The following ADRA1D variants were observed in gnomAD, a reference collection of about 807,000 sequenced individuals.
ADRA1D encodes adrenoceptor alpha 1D, also known as alpha-1D adrenergic receptor.
A neutral mutation model predicts 18.6 loss-of-function variants in ADRA1D; 22 were observed. That is an observed-to-expected ratio of 1.19 (90% CI 0.85 to 1.69). The LOEUF (loss-of-function observed/expected upper bound fraction) is 1.69. Among genes scored for constraint, ADRA1D ranks in the 40% most tolerant of loss-of-function variants. The probability of loss-of-function intolerance (pLI) is 0.00; values close to 1 mark genes in which losing one functional copy is unlikely to be tolerated. For synonymous variants in ADRA1D, 376 were observed against 388.2 expected, an observed-to-expected ratio of 0.97 and a Z score of 0.37; for missense variants, 840 against 840.7, an observed-to-expected ratio of 1.00 and a Z score of 0.01.
chr20:4,246,517 G>A (rs1981339304), intron 1 of ADRA1D, among the ~76,000 whole-genome samples: 1 of 152,164 alleles, frequency 6.6e-6, no homozygotes, highest in South Asian at 2.1e-4. Context: ...AAGGGTCAGA[G>A]GGGAGGAGCC....
At chr20:4,230,048 C>T (rs1327320186) in intron 1 of ADRA1D, among the ~76,000 whole-genome samples, 2 of 152,156 alleles carry the variant, frequency 1.3e-5, no homozygotes, top group Admixed American at 6.5e-5. Context: ...GCCCTTTGCA[C>T]TTTTTCCCCA....
At chr20:4,233,289 C>T (rs1327552521) in intron 1 of ADRA1D, among the ~76,000 whole-genome samples, 1 of 151,934 alleles carries the variant, frequency 6.6e-6, no homozygotes, top group African/African-American at 2.4e-5. Flanking sequence ...AGTAAAACTC[C>T]ATCTCTATAA....
chr20:4,227,150 C>T (rs1980818530), intron 1 of ADRA1D, among the ~76,000 whole-genome samples: 1 of 152,226 alleles, frequency 6.6e-6, no homozygotes, highest in African/African-American at 2.4e-5. Flanking sequence ...TCCAATGTCT[C>T]TCTGCAGTCC....
Position 4,248,436 on chromosome 20 carries a change from G to A in ADRA1D, c.522C>T (p.Ala174=). 1.2e-6 allele frequency: 2 copies of A among 1,611,778 alleles called. 1 individual carries two copies. Among genetic ancestry groups the A allele is most frequent in the South Asian group, 2.2e-5 (2 of 90,762 alleles). Residue 174 remains alanine, a synonymous_variant, in exon 1 of 2, where the codon GCC becomes GCT. Transcript: ENST00000379453. The part of the protein sequence containing the change: ...FGRAFCDVWA[A]VDVLCCTASI... Reference sequence around the variant, plus strand: ...AGGCCGTGCAGCACAGCACGTCCACGGCGGCCCATACGTCGCAGAAGGCGC... The same window carrying A: ...AGGCCGTGCAGCACAGCACGTCCACAGCGGCCCATACGTCGCAGAAGGCGC...
rs755050948 is a variant in ADRA1D, at chr20:4,221,641, G to A, written c.1601C>T (p.Ala534Val). Reference protein sequence around the residue: ...GGAQRAEAACAQRSEVEAVSL... With the variant: ...GGAQRAEAACVQRSEVEAVSL... ...CACAGCCTCCACCTCTGAGCGCTGG[G>A]CGCACGCTGCCTCTGCGCGCTGCGC... Residue 534 changes from alanine (A) to valine (V), a missense_variant, in exon 2 of 2, where the codon GCC (alanine) becomes GTC (valine). By Grantham distance (64) the Ala-to-Val change is moderately conservative (BLOSUM62 0). Transcript: ENST00000379453. The A allele has an allele frequency of 1.4e-5, 23 of 1,612,796 alleles. No individual in the cohort carries two copies. Among genetic ancestry groups the A allele is most frequent in the Non-Finnish European group, 1.8e-5 (21 of 1,179,552 alleles).
At chr20:4,234,343 A>G (rs1981040539) in intron 1 of ADRA1D, among the ~76,000 whole-genome samples, 1 of 152,144 alleles carries the variant, frequency 6.6e-6, no homozygotes, top group Admixed American at 6.5e-5. Flanking sequence ...TTTTGGCATC[A>G]CCAGAAGGAA....
chr20:4,239,101 G>C lies in ADRA1D; in HGVS notation c.1111+8746C>G, dbSNP rs1276204154. 2.6e-5 allele frequency among the ~76,000 whole-genome samples: 4 copies of C among 152,106 alleles called. No individual in the cohort carries two copies. Among genetic ancestry groups the C allele is most frequent in the African/African-American group, 7.2e-5 (3 of 41,430 alleles). ...GAGAGTAAAATGGGCACATGGACCA[G>C]GGCATAGGCCTTGGAGGAGGGGAGG... On this transcript the variant is annotated intron_variant, in intron 1 of 1. Coordinates refer to ENST00000379453, the MANE Select transcript of ADRA1D (RefSeq NM_000678.4). The surrounding 1 kb of genome is among the most constrained non-coding windows in gnomAD (Gnocchi z 4.9).
intron 1 of ADRA1D, among the ~76,000 whole-genome samples, chr20:4,246,622 G>C (rs1690337899): frequency 6.6e-6 from 1 of 152,144 alleles, no homozygotes; most frequent in Non-Finnish European, 1.5e-5. Flanking sequence ...TAGGAAGGGG[G>C]ACCACATGTC....
chr20:4,221,971 C>T lies in ADRA1D; in HGVS notation c.1271G>A (p.Arg424His), dbSNP rs1331890461. 19 of 1,558,154 alleles carry T rather than the reference C, an allele frequency of 1.2e-5. No individual in the cohort carries two copies. Among genetic ancestry groups the T allele is most frequent in the Non-Finnish European group, 1.6e-5 (18 of 1,152,060 alleles). The change falls in exon 2 of 2, where the codon CGC (arginine) becomes CAC (histidine). Residue 424 changes from arginine (R) to histidine (H), a missense_variant. Physicochemically the swap from Arg to His is conservative, Grantham distance 29 (BLOSUM62 0). Transcript: ENST00000379453. ...ACGCCAGAGAGGGCGGCGGCGCCGG[C>T]GACGACGGCACTGGCAGCGCAGGAG... is the stretch of plus-strand genomic sequence containing the variant. ...LRLLRCQCRRRRRRRPLWRVY... is the reference protein window; with the variant it reads ...LRLLRCQCRRHRRRRPLWRVY...
At chr20:4,230,281 C>G (rs1348854213) in intron 1 of ADRA1D, among the ~76,000 whole-genome samples, 2 of 152,192 alleles carry the variant, frequency 1.3e-5, no homozygotes, top group Non-Finnish European at 2.9e-5. Flanking sequence ...TGGGGTGGGG[C>G]CAGGGTCTGT....
chr20:4,232,553 A>G (rs1980995540), intron 1 of ADRA1D, among the ~76,000 whole-genome samples: 1 of 152,166 alleles, frequency 6.6e-6, no homozygotes, highest in African/African-American at 2.4e-5. Context: ...AGCTGGAGAG[A>G]GTATCAGAAT....
intron 1 of ADRA1D, among the ~76,000 whole-genome samples, chr20:4,232,306 C>G (rs1980990172): frequency 6.6e-6 from 1 of 152,258 alleles, no homozygotes; most frequent in South Asian, 2.1e-4. Flanking sequence ...AGCCTCAACT[C>G]AGCCTAGAAC....
chr20:4,227,704 C>CTTCCTTCCTTCCT lies in ADRA1D; in HGVS notation c.1112-5575_1112-5574insAGGAAGGAAGGAA, dbSNP rs1555820747. ...CTTCCCTCTCTCCCTCCCTCCCTCCCTCCTTCCTTCCTTCCTTCCTTCCTT... is the reference window on the plus strand; with the variant it reads ...CTTCCCTCTCTCCCTCCCTCCCTCCCTTCCTTCCTTCCTTCCTTCCTTCCTTCCTTCCTTCCTT... On this transcript the variant is annotated intron_variant, in intron 1 of 1. Coordinates refer to ENST00000379453, the MANE Select transcript of ADRA1D (RefSeq NM_000678.4). Among the ~76,000 whole-genome samples the CTTCCTTCCTTCCT allele has an allele frequency of 1.3e-3, 122 of 92,616 alleles. 4 individuals are homozygous for CTTCCTTCCTTCCT. The highest frequency in any genetic ancestry group is 5.4e-3 in the African/African-American group (119 of 22,128). 60.8% of individuals were successfully genotyped at this position (92,616 alleles called of 152,430 possible).
chr20:4,243,655 G>T (rs1032743363), intron 1 of ADRA1D, among the ~76,000 whole-genome samples: 3 of 152,108 alleles, frequency 2.0e-5, no homozygotes, highest in Non-Finnish European at 4.4e-5. Flanking sequence ...CATCACCACG[G>T]AACGTGGGCA....
intron 1 of ADRA1D, among the ~76,000 whole-genome samples, chr20:4,231,534 T>C (rs1257182366): frequency 6.6e-6 from 1 of 152,146 alleles, no homozygotes; most frequent in African/African-American, 2.4e-5. Flanking sequence ...ATATCTTGAA[T>C]GAACAAGTAA....
At chr20:4,247,396 C>T (rs1981358578) in intron 1 of ADRA1D, among the ~76,000 whole-genome samples, 1 of 152,106 alleles carries the variant, frequency 6.6e-6, no homozygotes, top group Admixed American at 6.5e-5. Flanking sequence ...AAGCGGGTGG[C>T]TTCTGGCATC....
chr20:4,231,495 C>T (rs1338143818), intron 1 of ADRA1D, among the ~76,000 whole-genome samples: 3 of 152,062 alleles, frequency 2.0e-5, no homozygotes, highest in Non-Finnish European at 4.4e-5. Context: ...AGCACAAGTG[C>T]CTGACTCGAA....
chr20:4,247,782 G>T, intron 1 of ADRA1D, 65 bp downstream of exon 1: 1 of 1,421,658 alleles, frequency 7.0e-7, no homozygotes, highest in Non-Finnish European at 9.2e-7. Context: ...AAGTCTGGGT[G>T]CCAGGAGGGC....
Position 4,248,208 on chromosome 20 carries a change from C to A in ADRA1D, c.750G>T (p.Glu250Asp). The A allele has an allele frequency of 6.3e-7, 1 of 1,594,602 alleles. No individual in the cohort carries two copies. Among genetic ancestry groups the A allele is most frequent in the East Asian group, 2.3e-5 (1 of 44,082 alleles). ...PPDERFCGIT[E>D]EAGYAVFSSV... Reference sequence around the variant, plus strand: ...AGGAGAAGACAGCGTAGCCCGCCTCCTCGGTGATACCGCAGAAGCGCTCGT... The same window carrying A: ...AGGAGAAGACAGCGTAGCCCGCCTCATCGGTGATACCGCAGAAGCGCTCGT... The change falls in exon 1 of 2, where the codon GAG becomes GAT. Residue 250 changes from glutamate (E) to aspartate (D), a missense_variant. Coordinates refer to ENST00000379453, the MANE Select transcript of ADRA1D (RefSeq NM_000678.4).
Sources: gnomAD v4.1 joint callset for allele counts (sites outside exome capture counted in the v4.1 genomes callset) on GRCh38, gnomAD v4.1.1 for gene constraint, Gnocchi (gnomAD v3.1) non-coding constraint, MANE v1.5 for transcripts, NCBI Gene and HGNC (gene_info 2026-07-23, HGNC 2026-07-21) for gene names.